Variants in HROB observed in about 807,000 individuals in gnomAD.
HROB encodes homologous recombination factor with OB-fold, also known as homologous recombination OB-fold protein.
In HROB, 44 loss-of-function variants were observed where a neutral mutation model predicts 61.0. The observed-to-expected ratio is 0.72, with a 90% CI of 0.57 to 0.93. HROB has a LOEUF of 0.93. HROB is among the 40% of genes least tolerant of loss of function. The pLI, the probability that HROB is intolerant of heterozygous loss-of-function variation, is 0.00. For missense variants in HROB, 716 were observed against 796.2 expected (o/e 0.90, Z 1.21); for synonymous variants, 301 against 310.4 (o/e 0.97, Z 0.32).
At chr17:44,152,879 G>C (rs367602512) in intron 5 of HROB, 102 bp downstream of exon 5, 2 of 1,404,428 alleles carry the variant, frequency 1.4e-6, no homozygotes, top group Admixed American at 2.2e-5. Flanking sequence ...TTGCTCCCTC[G>C]TACCCTATAC....
chr17:44,150,802 C>T (rs1417374320), intron 3 of HROB, among the ~76,000 whole-genome samples, 159 bp from the exon 4 acceptor site: 2 of 152,156 alleles, frequency 1.3e-5, no homozygotes, highest in Admixed American at 6.5e-5. Flanking sequence ...CTTTTTTGAG[C>T]TGCCAAAGAG....
chr17:44,154,538 G>A lies in HROB; in HGVS notation c.1450-18G>A, dbSNP rs2053913002. 2 of 1,613,706 alleles carry A rather than the reference G, an allele frequency of 1.2e-6. No individual in the cohort carries two copies. The highest frequency in any genetic ancestry group is 1.7e-6 in the Non-Finnish European group (2 of 1,179,664). On this transcript the variant is annotated intron_variant, in intron 5 of 9. Transcript: ENST00000585683. Reference sequence around the variant, plus strand: ...GTGGGCCGTGGAAGGCTCAGCATATGCCTCTCCTTGTAAGCAGGCAGCCCT... The same window carrying A: ...GTGGGCCGTGGAAGGCTCAGCATATACCTCTCCTTGTAAGCAGGCAGCCCT...
intron 4 of HROB, among the ~76,000 whole-genome samples, chr17:44,152,231 C>G (rs538175398): frequency 6.6e-6 from 1 of 151,684 alleles, no homozygotes; most frequent in Non-Finnish European, 1.5e-5. Flanking sequence ...CCACCCGCCT[C>G]GGCCTTCCAA....
At chr17:44,142,477 T>C (rs2053479440) in intron 1 of HROB, among the ~76,000 whole-genome samples, 1 of 150,556 alleles carries the variant, frequency 6.6e-6, no homozygotes, top group Admixed American at 6.6e-5. Context: ...TTTTTTTTTT[T>C]TTTTTTTTGG....
intron 9 of HROB, among the ~76,000 whole-genome samples, chr17:44,161,161 C>G (rs1255525506): frequency 2.0e-5 from 3 of 151,556 alleles, no homozygotes; most frequent in Admixed American, 6.6e-5. Context: ...CGAGATCACG[C>G]CACTGCACTC....
chr17:44,149,964 G>A (rs2053748612), intron 3 of HROB, among the ~76,000 whole-genome samples: 1 of 152,180 alleles, frequency 6.6e-6, no homozygotes, highest in Non-Finnish European at 1.5e-5. Context: ...GTGGCGGAGC[G>A]GGCGCTGTGC....
intron 9 of HROB, among the ~76,000 whole-genome samples, chr17:44,159,178 C>T (rs1020950324): frequency 4.6e-5 from 7 of 152,038 alleles, no homozygotes; most frequent in African/African-American, 1.7e-4. Flanking sequence ...TACCCAGGTG[C>T]CGAGGCAAGA....
chr17:44,149,866 G>T (rs1000705193), intron 3 of HROB, among the ~76,000 whole-genome samples: 1 of 152,246 alleles, frequency 6.6e-6, no homozygotes, highest in African/African-American at 2.4e-5. Flanking sequence ...GTGAACAGGG[G>T]TCATTCCCTG....
chr17:44,149,572 C>T (rs1440318128), intron 3 of HROB, among the ~76,000 whole-genome samples: 4 of 152,112 alleles, frequency 2.6e-5, no homozygotes, highest in Non-Finnish European at 5.9e-5. Flanking sequence ...TTTAAGAAGA[C>T]CCTCTTTTCC....
At chr17:44,145,336 G>A in intron 2 of HROB, 83 bp downstream of exon 2, 1 of 1,506,450 alleles carries the variant, frequency 6.6e-7, no homozygotes, top group Non-Finnish European at 9.2e-7. Context: ...GGATTAGCCT[G>A]TACCAGCCTC....
At chr17:44,160,957 C>G (rs991332221) in intron 9 of HROB, among the ~76,000 whole-genome samples, 1 of 152,176 alleles carries the variant, frequency 6.6e-6, no homozygotes, top group African/African-American at 2.4e-5. Context: ...AATCCCAGCA[C>G]TTTGGGAGGC....
intron 1 of HROB, among the ~76,000 whole-genome samples, chr17:44,144,068 C>G (rs1048145444): frequency 1.3e-5 from 2 of 151,918 alleles, no homozygotes; most frequent in Non-Finnish European, 2.9e-5. Context: ...ACCTCTACCT[C>G]CCGGGTTCAA....
At position 44,161,990 on chromosome 17, in the gene HROB, T is replaced by C. The variant is rs1672453688; in HGVS notation, c.*58T>C. The C allele has an allele frequency of 1.3e-6, 2 of 1,556,108 alleles. No homozygotes were observed. Among genetic ancestry groups the C allele is most frequent in the African/African-American group, 2.7e-5 (2 of 73,442 alleles). On this transcript the variant is annotated 3_prime_UTR_variant, in exon 10 of 10. Coordinates refer to ENST00000585683, the MANE Select transcript of HROB (RefSeq NM_001171251.3). Reference sequence around the variant, plus strand: ...CAGGCAGCTCTGGGCATGTGTCTGGTCACATCCAAGGGGGAGAAGAAGGCC... The same window carrying C: ...CAGGCAGCTCTGGGCATGTGTCTGGCCACATCCAAGGGGGAGAAGAAGGCC...
chr17:44,149,566 A>G (rs1012218964), intron 3 of HROB, among the ~76,000 whole-genome samples: 4 of 152,050 alleles, frequency 2.6e-5, no homozygotes, highest in African/African-American at 9.7e-5. Context: ...CCTTTTTTTA[A>G]GAAGACCCTC....
At chr17:44,157,966 G>A (rs1195683543) in intron 9 of HROB, 25 bp downstream of exon 9, 7 of 1,559,028 alleles carry the variant, frequency 4.5e-6, no homozygotes, top group Non-Finnish European at 6.2e-6. Context: ...CCATCTGGGA[G>A]CAAGAGAGGT....
At position 44,154,880 on chromosome 17, in the gene HROB, T is replaced by C; in HGVS notation, c.1586T>C (p.Leu529Ser). 6.2e-7 allele frequency: 1 copy of C among 1,614,028 alleles called. No homozygotes were observed. The highest frequency in any genetic ancestry group is 1.3e-5 in the African/African-American group (1 of 75,020). ...TGEMQGTVHRLLLETCQNELK... is the reference protein window; with the variant it reads ...TGEMQGTVHRSLLETCQNELK... ...GAGATGCAGGGGACGGTGCACAGGTTGCTGCTGGAGACGTGCCAGAATGAG... is the reference window on the plus strand; with the variant it reads ...GAGATGCAGGGGACGGTGCACAGGTCGCTGCTGGAGACGTGCCAGAATGAG... Residue 529 changes from leucine (L) to serine (S), a missense_variant, in exon 7 of 10, where the codon TTG becomes TCG. By Grantham distance (145) the Leu-to-Ser change is moderately radical. Coordinates refer to ENST00000585683, the MANE Select transcript of HROB (RefSeq NM_001171251.3).
chr17:44,151,103 G>GT, intron 4 of HROB, 59 bp downstream of exon 4: 1 of 1,492,720 alleles, frequency 6.7e-7, no homozygotes, highest in South Asian at 1.2e-5. Context: ...GCGTCCCTGT[G>GT]TGTTTCAGGA....
rs2053789251 is a variant in HROB at position 44,151,039 on chromosome 17, A to G, written c.1303A>G (p.Thr435Ala). The change falls in exon 4 of 10, where the codon ACA (threonine) becomes GCA (alanine). Residue 435 changes from threonine to alanine, a missense_variant. Physicochemically the swap from Thr to Ala is moderately conservative, Grantham distance 58 (BLOSUM62 0). Transcript: ENST00000585683. Reference sequence around the variant, plus strand: ...CCATGGTGCTCTGGCTAAATTCCAGACAGAGGTAACTTATGCAAATGTTAA... The same window carrying G: ...CCATGGTGCTCTGGCTAAATTCCAGGCAGAGGTAACTTATGCAAATGTTAA... ...PTHGALAKFQ[T>A]EIVASSQASV... 1 of 1,610,912 alleles carries G rather than the reference A, an allele frequency of 6.2e-7. No individual in the cohort carries two copies. Among genetic ancestry groups the G allele is most frequent in the South Asian group, 1.1e-5 (1 of 90,966 alleles).
intron 3 of HROB, among the ~76,000 whole-genome samples, chr17:44,150,593 G>T (rs936624367): frequency 6.6e-6 from 1 of 152,088 alleles, no homozygotes; most frequent in African/African-American, 2.4e-5. Flanking sequence ...GTTTCTCCAT[G>T]TTGGCCAGGC....
Sources: allele counts gnomAD v4.1 joint callset (sites outside exome capture counted in the v4.1 genomes callset), GRCh38; gene constraint gnomAD v4.1.1; transcripts MANE v1.5; gene names NCBI Gene and HGNC (gene_info 2026-07-23, HGNC 2026-07-21).